The following MAML3 variants were observed in gnomAD, a reference collection of about 807,000 sequenced individuals.
The protein encoded by MAML3 is mastermind like transcriptional coactivator 3.
In MAML3, 27 loss-of-function variants were observed where a neutral mutation model predicts 101.9. The observed-to-expected ratio is 0.27, with a 90% CI of 0.20 to 0.37. The LOEUF is 0.37. MAML3 is among the 10% of genes least tolerant of loss of function. The pLI is 1.00. For synonymous variants in MAML3, 501 were observed against 555.9 expected, an observed-to-expected ratio of 0.90 and a Z score of 1.39; for missense variants, 1,316 against 1,444.9, an observed-to-expected ratio of 0.91 and a Z score of 1.45.
intron 2 of MAML3, among the ~76,000 whole-genome samples, chr4:139,786,182 A>G (rs2111085386): frequency 6.6e-6 from 1 of 152,106 alleles, no homozygotes; most frequent in East Asian, 1.9e-4. Flanking sequence ...TTCAGAAGAA[A>G]CCAACCTGGC....
At chr4:139,777,365 A>G (rs2111075422) in intron 2 of MAML3, among the ~76,000 whole-genome samples, 1 of 152,264 alleles carries the variant, frequency 6.6e-6, no homozygotes, top group South Asian at 2.1e-4. Flanking sequence ...CTCCAAATCC[A>G]GTCCTTCAGC....
At chr4:139,900,176 C>T (rs1438613993) in intron 1 of MAML3, among the ~76,000 whole-genome samples, 1 of 152,150 alleles carries the variant, frequency 6.6e-6, no homozygotes, top group Non-Finnish European at 1.5e-5. Flanking sequence ...ACTCTATTCC[C>T]AAAAAGTCTT....
At chr4:139,765,047 G>C (rs1257151249) in intron 2 of MAML3, among the ~76,000 whole-genome samples, 1 of 152,228 alleles carries the variant, frequency 6.6e-6, no homozygotes, top group Admixed American at 6.5e-5. Context: ...CCCCAGGCTG[G>C]TCAGTACTCC....
At chr4:140,018,248 T>C (rs1726677230) in intron 1 of MAML3, among the ~76,000 whole-genome samples, 1 of 152,006 alleles carries the variant, frequency 6.6e-6, no homozygotes, top group African/African-American at 2.4e-5. Flanking sequence ...GCCAAACAAA[T>C]GTATAACGCA....
At chr4:139,768,222 TTGTGTGTGTGTGTGTGTGTGTG>T (rs34182828) in intron 2 of MAML3, among the ~76,000 whole-genome samples, 1 of 136,344 alleles carries the variant, frequency 7.3e-6, no homozygotes, top group African/African-American at 2.8e-5. Context: ...CTGTTGATAG[TTGTGTGTGTGTGTGTGTGTGTG>T]TGTGTGTGTG....
chr4:140,024,421 G>A (rs1726787166), intron 1 of MAML3, among the ~76,000 whole-genome samples: 1 of 152,038 alleles, frequency 6.6e-6, no homozygotes, highest in Admixed American at 6.5e-5. Context: ...AGAGATGGGT[G>A]CCTCACTTTG....
At chr4:140,037,223 A>C (rs946176045) in intron 1 of MAML3, among the ~76,000 whole-genome samples, 29 of 146,950 alleles carry the variant, frequency 2.0e-4, no homozygotes, top group Non-Finnish European at 4.0e-4. Flanking sequence ...ACTATAAATG[A>C]CTTCTGACCC....
intron 1 of MAML3, among the ~76,000 whole-genome samples, chr4:139,912,611 CA>C (rs1300475680): frequency 5.3e-5 from 8 of 152,198 alleles, no homozygotes; most frequent in Non-Finnish European, 7.3e-5. Flanking sequence ...TGGAGTAGAA[CA>C]GGCAAAACCC....
intron 1 of MAML3, among the ~76,000 whole-genome samples, chr4:140,024,355 G>A (rs1315288253): frequency 6.6e-6 from 1 of 152,064 alleles, no homozygotes; most frequent in Non-Finnish European, 1.5e-5. Flanking sequence ...AGCCTCTGGA[G>A]TAGCTGGGAC....
At chr4:140,076,375 G>A (rs1020053201) in intron 1 of MAML3, among the ~76,000 whole-genome samples, 3 of 152,052 alleles carry the variant, frequency 2.0e-5, no homozygotes, top group Non-Finnish European at 2.9e-5. Flanking sequence ...TGTAAAACAA[G>A]AGCAATAAAG....
At chr4:139,885,319 T>C (rs934168656) in intron 2 of MAML3, among the ~76,000 whole-genome samples, 1 of 151,716 alleles carries the variant, frequency 6.6e-6, no homozygotes, top group Non-Finnish European at 1.5e-5. Flanking sequence ...GGTGGGAAGA[T>C]GGCTTGAGTC....
intron 1 of MAML3, among the ~76,000 whole-genome samples, chr4:139,943,031 T>C (rs953009704): frequency 5.3e-5 from 8 of 152,222 alleles, no homozygotes; most frequent in African/African-American, 1.7e-4. Flanking sequence ...TAAACAAAAA[T>C]GTACGATCAA....
At chr4:139,818,330 T>C (rs1171581187) in intron 2 of MAML3, among the ~76,000 whole-genome samples, 1 of 152,216 alleles carries the variant, frequency 6.6e-6, no homozygotes, top group African/African-American at 2.4e-5. Flanking sequence ...GATTATTTCA[T>C]TAATGTCTGT....
chr4:139,860,170 G>T (rs1731748596), intron 2 of MAML3, among the ~76,000 whole-genome samples: 1 of 152,228 alleles, frequency 6.6e-6, no homozygotes, highest in Admixed American at 6.5e-5. Flanking sequence ...CTCCCAAGCC[G>T]CAGAGGCGTG....
In MAML3 at chr4:140,142,472, C is replaced by G. The variant is rs550473231; in HGVS notation, c.468+10388G>C. ...TAATGAATAGACAAAGTCCCTGTCC[C>G]TCTCCAATGTTCCAGCCAAATGAAC... On this transcript the variant is annotated intron_variant, in intron 1 of 4. Transcript: ENST00000509479. Among the ~76,000 whole-genome samples, 11 of 152,290 alleles carry G rather than the reference C, an allele frequency of 7.2e-5. No individual in the cohort carries two copies. In the South Asian group the frequency reaches 1.7e-3, roughly 23 times the overall value.
intron 1 of MAML3, among the ~76,000 whole-genome samples, chr4:140,063,033 A>C (rs1263666488): frequency 6.6e-6 from 1 of 152,224 alleles, no homozygotes; most frequent in African/African-American, 2.4e-5. Context: ...CATTTTATAT[A>C]CATTATTTAC....
intron 2 of MAML3, among the ~76,000 whole-genome samples, chr4:139,827,813 T>C (rs1429182066): frequency 6.6e-6 from 1 of 152,242 alleles, no homozygotes; most frequent in South Asian, 2.1e-4. Context: ...GGATGATGAC[T>C]GCTGATAATA....
intron 1 of MAML3, among the ~76,000 whole-genome samples, chr4:139,977,589 C>G (rs1192827703): frequency 6.6e-6 from 1 of 152,040 alleles, no homozygotes; most frequent in African/African-American, 2.4e-5. Context: ...AAAGGATGTT[C>G]TGGCCAGGCG....
chr4:140,150,446 A>G (rs571742760), intron 1 of MAML3, among the ~76,000 whole-genome samples: 4 of 152,152 alleles, frequency 2.6e-5, no homozygotes, highest in African/African-American at 9.7e-5. Flanking sequence ...TTCTGGTCGC[A>G]AACTCTACTC....
Sources: gnomAD v4.1 joint callset for allele counts (sites outside exome capture counted in the v4.1 genomes callset) on GRCh38, gnomAD v4.1.1 for gene constraint, MANE v1.5 for transcripts, NCBI Gene and HGNC (gene_info 2026-07-23, HGNC 2026-07-21) for gene names.